The following KMT2A variants were observed in gnomAD, a reference collection of about 807,000 sequenced individuals.
KMT2A encodes the protein lysine methyltransferase 2A, also known as histone-lysine N-methyltransferase 2A.
A neutral mutation model predicts 345.3 loss-of-function variants in KMT2A; 16 were observed. The ratio of observed to expected loss-of-function variants is 0.05; its 90% CI spans 0.03 to 0.07. KMT2A has a LOEUF of 0.07. Ranked by LOEUF, KMT2A falls within the 10% of genes least tolerant of loss-of-function variation. The pLI is 1.00. For synonymous variants in KMT2A, 1,599 were observed against 1,778.6 expected (o/e 0.90, Z 2.54); for missense variants, 3,272 against 4,841.6 (o/e 0.68, Z 9.62).
intron 31 of KMT2A, among the ~76,000 whole-genome samples, chr11:118,516,199 T>C (rs1950809998): frequency 6.6e-6 from 1 of 152,290 alleles, no homozygotes. Context: ...GTAAGTACCA[T>C]GAAGAAGATA....
At position 118,473,311 on chromosome 11, in the gene KMT2A, C is replaced by T. The variant is rs1949975673; in HGVS notation, c.2152C>T (p.Pro718Ser). 2 of 1,613,620 alleles carry T rather than the reference C, an allele frequency of 1.2e-6. No homozygotes were observed. The highest frequency in any genetic ancestry group is 1.3e-5 in the African/African-American group (1 of 74,840). Residue 718 changes from proline to serine, a missense_variant, in exon 3 of 36, where the codon CCT (proline) becomes TCT (serine). Around this residue, in one of 27 missense-constraint regions of KMT2A, gnomAD observed 114 missense variants for 203.2 expected, o/e 0.56. Coordinates refer to ENST00000534358, the MANE Select transcript of KMT2A (RefSeq NM_001197104.2). The surrounding 1 kb of genome is among the most constrained non-coding windows in gnomAD (Gnocchi z 5.2). ...TAGAATATTTGAGTCTGTAACCTTG[C>T]CTAGTAATCGAACTTCTGCTGGAAC... ...HSRIFESVTL[P>S]SNRTSAGTSS...
chr11:118,501,928 A>G (rs570830965), intron 26 of KMT2A, 71 bp downstream of exon 26: 1 of 1,297,596 alleles, frequency 7.7e-7, no homozygotes, highest in Non-Finnish European at 1.1e-6. Context: ...TCTTTCAGGC[A>G]ACTTTATCTT....
chr11:118,502,470 T>C lies in KMT2A; in HGVS notation c.6578T>C (p.Ile2193Thr). 6.2e-7 allele frequency: 1 copy of C among 1,614,074 alleles called. No homozygotes were observed. Among genetic ancestry groups the C allele is most frequent in the South Asian group, 1.1e-5 (1 of 91,058 alleles). ...DPLLSSGLRS[I>T]GSRRHSTSSL... ...TTACTCTCCTCTGGACTTCGAAGCATTGGCTCCAGGCGTCACAGTACCTCT... is the reference window on the plus strand; with the variant it reads ...TTACTCTCCTCTGGACTTCGAAGCACTGGCTCCAGGCGTCACAGTACCTCT... Residue 2193 changes from isoleucine (I) to threonine (T), a missense_variant, in exon 27 of 36, where the codon ATT (isoleucine) becomes ACT (threonine). Transcript: ENST00000534358. The surrounding 1 kb of genome is among the most constrained non-coding windows in gnomAD (Gnocchi z 4.9).
At position 118,473,614 on chromosome 11, in the gene KMT2A, C is replaced by A; in HGVS notation, c.2455C>A (p.Gln819Lys). ...AGAGAAAAATCAGAGACCAAGGAAG[C>A]AGACTAGTGCTCCGGCAGAGCCATT... ...SAEKNQRPRKQTSAPAEPFSS... is the reference protein window; with the variant it reads ...SAEKNQRPRKKTSAPAEPFSS... The change falls in exon 3 of 36, where the codon CAG becomes AAG. Residue 819 changes from glutamine to lysine, a missense_variant. Physicochemically the swap from Gln to Lys is moderately conservative, Grantham distance 53 (BLOSUM62 1). Coordinates refer to ENST00000534358, the MANE Select transcript of KMT2A (RefSeq NM_001197104.2). The surrounding 1 kb of genome is among the most constrained non-coding windows in gnomAD (Gnocchi z 5.2). The A allele has an allele frequency of 6.2e-7, 1 of 1,614,078 alleles. No homozygotes were observed. The highest frequency in any genetic ancestry group is 8.5e-7 in the Non-Finnish European group (1 of 1,180,036).
At chr11:118,443,711 G>A (rs967955828) in intron 1 of KMT2A, among the ~76,000 whole-genome samples, 1 of 152,210 alleles carries the variant, frequency 6.6e-6, no homozygotes, top group African/African-American at 2.4e-5. Context: ...CCCTTGAAAT[G>A]AGTAGTTGTT....
At position 118,440,403 on chromosome 11, in the gene KMT2A, C is replaced by T. The variant is rs960709135; in HGVS notation, c.432+3459C>T. 2.6e-5 allele frequency among the ~76,000 whole-genome samples: 4 copies of T among 152,156 alleles called. No individual in the cohort carries two copies. In the East Asian group the frequency reaches 5.8e-4, roughly 22 times the overall value. On this transcript the variant is annotated intron_variant, in intron 1 of 35. Transcript: ENST00000534358. ...TCAGTATCCCATTTTTCTAAGGATT[C>T]TCTCAGGTAATGTTCATACTACTGT...
At chr11:118,482,866 A>G (rs1387437729) in intron 8 of KMT2A, among the ~76,000 whole-genome samples, 1 of 152,114 alleles carries the variant, frequency 6.6e-6, no homozygotes, top group Non-Finnish European at 1.5e-5. Context: ...CCAGGAATTC[A>G]AGGCTGTAGT....
chr11:118,489,264 G>A (rs139176242), intron 11 of KMT2A, among the ~76,000 whole-genome samples: 9 of 151,582 alleles, frequency 5.9e-5, no homozygotes, highest in African/African-American at 2.2e-4. Context: ...TATATGGGAG[G>A]ATGTGCATTT....
At position 118,458,374 on chromosome 11, in the gene KMT2A, A is replaced by G. The variant is rs533476111; in HGVS notation, c.433-10401A>G. 9.3e-4 allele frequency among the ~76,000 whole-genome samples: 142 copies of G among 152,280 alleles called. 1 individual carries two copies. Among genetic ancestry groups the G allele is most frequent in the African/African-American group, 3.3e-3 (137 of 41,546 alleles). ...ATTGTTAGGATTTCAGGTGTGAGCC[A>G]CCTCGTCCTGCCCCTATACATTCTT... On this transcript the variant is annotated intron_variant, in intron 1 of 35. Transcript: ENST00000534358.
rs2134384094 is a variant in KMT2A, at chr11:118,502,399, A to G, written c.6507A>G (p.Gly2169=). The change falls in exon 27 of 36, where the codon GGA becomes GGG. Residue 2169 remains glycine, a splice_region_variant and synonymous_variant. Coordinates refer to ENST00000534358, the MANE Select transcript of KMT2A (RefSeq NM_001197104.2). The surrounding 1 kb of genome is among the most constrained non-coding windows in gnomAD (Gnocchi z 4.9). ...SPGCRPLPSA[G]SPTPTTHEIV... is the part of the protein sequence containing the mutation. The stretch of plus-strand genomic sequence containing the variant: ...TATTACTTTTTCTCTCTTGTTTAGG[A>G]AGTCCTACCCCAACCACTCATGAAA... The G allele has an allele frequency of 6.4e-7, 1 of 1,573,746 alleles. No homozygotes were observed. Among genetic ancestry groups the G allele is most frequent in the Non-Finnish European group, 8.6e-7 (1 of 1,161,590 alleles).
At chr11:118,499,713 G>C in intron 23 of KMT2A, 122 bp from the exon 24 acceptor site, 1 of 741,738 alleles carries the variant, frequency 1.3e-6, no homozygotes, top group Non-Finnish European at 2.3e-6. Flanking sequence ...CCCGGAGGCA[G>C]AGGCTGCAGT....
At position 118,522,327 on chromosome 11, in the gene KMT2A, C is replaced by G. The variant is rs9332866; in HGVS notation, c.*155C>G. On this transcript the variant is annotated 3_prime_UTR_variant, in exon 36 of 36. Transcript: ENST00000534358. This position sits in a 1 kb window ranked among gnomAD's most constrained non-coding sequence, Gnocchi z 5.4. ...GCTCTCTTATGTCCTATACTCACATCAGACATGTGATCATAGTCCCAGAGA... is the reference window on the plus strand; with the variant it reads ...GCTCTCTTATGTCCTATACTCACATGAGACATGTGATCATAGTCCCAGAGA... The G allele has an allele frequency of 1.1e-5, 7 of 663,954 alleles. No homozygotes were observed. The highest frequency in any genetic ancestry group is 8.2e-5 in the East Asian group (3 of 36,434). 41.1% of individuals were successfully genotyped at this position (663,954 alleles called of 1,614,324 possible).
chr11:118,471,823 A>C lies in KMT2A; in HGVS notation c.664A>C (p.Arg222=), dbSNP rs782212726. Residue 222 remains arginine, a synonymous_variant, in exon 3 of 36, where the codon AGA becomes CGA. Transcript: ENST00000534358. The stretch of plus-strand genomic sequence containing the variant: ...AGATTCTAAAAGTATAGAAAAGAAG[A>C]GAGGAAGACCTCCCACCTTCCCTGG... ...KKDSKSIEKK[R]GRPPTFPGVK... 1.9e-6 allele frequency: 3 copies of C among 1,612,862 alleles called. No individual in the cohort carries two copies. Among genetic ancestry groups the C allele is most frequent in the Admixed American group, 1.7e-5 (1 of 59,618 alleles).
At chr11:118,451,154 TG>T in intron 1 of KMT2A, among the ~76,000 whole-genome samples, 1 of 151,946 alleles carries the variant, frequency 6.6e-6, no homozygotes, top group Non-Finnish European at 1.5e-5. Flanking sequence ...GACCAGCTAC[TG>T]GGGCTCTACC....
intron 11 of KMT2A, 130 bp from the exon 12 acceptor site, chr11:118,489,662 A>T: frequency 1.4e-6 from 1 of 698,724 alleles, no homozygotes; most frequent in Non-Finnish European, 2.5e-6. Flanking sequence ...TAAATAATGT[A>T]TGAGGAAATT....
In KMT2A at chr11:118,519,648, T is replaced by C. The variant is rs1263193891; in HGVS notation, c.11177T>C (p.Leu3726Pro). ...AACGGTTTGAGGATGCTGGGGATTCTCCATGATGCAGTTGTGTTCCTCATT... is the reference window on the plus strand; with the variant it reads ...AACGGTTTGAGGATGCTGGGGATTCCCCATGATGCAGTTGTGTTCCTCATT... ...GVNGLRMLGI[L>P]HDAVVFLIEQ... Residue 3726 changes from leucine (L) to proline (P), a missense_variant, in exon 32 of 36, where the codon CTC becomes CCC. Leu to Pro is a moderately conservative substitution (Grantham distance 98). Transcript: ENST00000534358. The C allele has an allele frequency of 1.2e-6, 2 of 1,613,698 alleles. No individual in the cohort carries two copies. Among genetic ancestry groups the C allele is most frequent in the Non-Finnish European group, 1.7e-6 (2 of 1,179,716 alleles).
intron 3 of KMT2A, among the ~76,000 whole-genome samples, chr11:118,475,328 A>C (rs1555037270): frequency 6.6e-6 from 1 of 152,078 alleles, no homozygotes; most frequent in Non-Finnish European, 1.5e-5. Flanking sequence ...TTCTGAGAAA[A>C]GTTGCTGATC....
chr11:118,440,779 G>T (rs1389572417), intron 1 of KMT2A, among the ~76,000 whole-genome samples: 1 of 150,286 alleles, frequency 6.7e-6, no homozygotes, highest in Non-Finnish European at 1.5e-5. Flanking sequence ...GTAGGAGAGC[G>T]TGATTTTTTT....
Position 118,473,477 on chromosome 11 carries a change from C to G in KMT2A, c.2318C>G (p.Pro773Arg), listed in dbSNP as rs1555036472. Residue 773 changes from proline (P) to arginine (R), a missense_variant, in exon 3 of 36, where the codon CCG becomes CGG. Pro to Arg is a moderately radical substitution (Grantham distance 103). Transcript: ENST00000534358. This position sits in a 1 kb window ranked among gnomAD's most constrained non-coding sequence, Gnocchi z 5.2. ...SSSELSPLTP[P>R]SSVSSSLSIS... Reference sequence around the variant, plus strand: ...TCTGAGCTCTCACCTCTCACCCCCCCGTCTTCTGTCTCTTCCTCGTTAAGC... The same window carrying G: ...TCTGAGCTCTCACCTCTCACCCCCCGGTCTTCTGTCTCTTCCTCGTTAAGC... 4 of 1,614,204 alleles carry G rather than the reference C, an allele frequency of 2.5e-6. No individual in the cohort carries two copies. Among genetic ancestry groups the G allele is most frequent in the African/African-American group, 2.7e-5 (2 of 75,042 alleles).
Sources: allele counts gnomAD v4.1 joint callset (sites outside exome capture counted in the v4.1 genomes callset), GRCh38; gene constraint gnomAD v4.1.1; regional missense constraint gnomAD v4.1.1; non-coding constraint Gnocchi (gnomAD v3.1); transcripts MANE v1.5; gene names NCBI Gene and HGNC (gene_info 2026-07-23, HGNC 2026-07-21).